The following CDH18 variants were observed in gnomAD, a reference collection of about 807,000 sequenced individuals.
The protein encoded by CDH18 is cadherin 18, also known as cadherin-18.
CDH18 carries 31 observed loss-of-function variants against 67.9 expected under a neutral mutation model. That is an observed-to-expected ratio of 0.46 (90% CI 0.34 to 0.62). The LOEUF (loss-of-function observed/expected upper bound fraction) is 0.62. Ranked by LOEUF, CDH18 falls within the 20% of genes least tolerant of loss-of-function variation. The pLI, the probability that CDH18 is intolerant of heterozygous loss-of-function variation, is 0.01. For missense variants in CDH18, 890 were observed against 975.5 expected (o/e 0.91, Z 1.17); for synonymous variants, 362 against 347.2 (o/e 1.04, Z -0.48).
intron 2 of CDH18, among the ~76,000 whole-genome samples, chr5:19,877,723 G>A (rs1787184071): frequency 6.6e-6 from 1 of 152,110 alleles, no homozygotes. Context: ...ACAGCAAAGA[G>A]AATTTCAGTG....
chr5:19,875,639 T>C lies in CDH18; in HGVS notation c.-256-36397A>G, dbSNP rs1648389865. Among the ~76,000 whole-genome samples the C allele has an allele frequency of 2.0e-5, 3 of 151,982 alleles. 1 individual carries two copies. In the South Asian group the frequency reaches 6.2e-4, roughly 31 times the overall value. On this transcript the variant is annotated intron_variant, in intron 2 of 12. Coordinates refer to ENST00000382275, the MANE Select transcript of CDH18 (RefSeq NM_004934.5). ...ACATATATACATACACATAAAATCA[T>C]AATTTTGCCTATTTTTAAACACAAG...
At chr5:20,187,273 T>A (rs1205422519) in intron 2 of CDH18, among the ~76,000 whole-genome samples, 1 of 151,908 alleles carries the variant, frequency 6.6e-6, no homozygotes, top group African/African-American at 2.4e-5. Context: ...GCTAAAATGG[T>A]AAATTTTGTA....
chr5:19,849,007 A>T (rs888568015), intron 2 of CDH18, among the ~76,000 whole-genome samples: 2 of 151,754 alleles, frequency 1.3e-5, no homozygotes, highest in African/African-American at 4.8e-5. Flanking sequence ...GCTATGTGTT[A>T]AATTTTATGA....
intron 3 of CDH18, among the ~76,000 whole-genome samples, chr5:19,757,884 C>T (rs956958038): frequency 2.6e-5 from 4 of 152,186 alleles, no homozygotes; most frequent in African/African-American, 4.8e-5. Context: ...TTCCCTTCAC[C>T]GTTGTCCTTC....
intron 6 of CDH18, among the ~76,000 whole-genome samples, chr5:19,606,157 T>C (rs2150084529): frequency 6.6e-6 from 1 of 151,576 alleles, no homozygotes; most frequent in East Asian, 1.9e-4. Context: ...TAAAATAAGC[T>C]AGTGCTAACA....
chr5:20,460,900 T>A (rs1296449305), intron 1 of CDH18, among the ~76,000 whole-genome samples: 1 of 152,208 alleles, frequency 6.6e-6, no homozygotes, highest in Non-Finnish European at 1.5e-5. Flanking sequence ...ATGAGTAACT[T>A]AACTGAGTAC....
intron 2 of CDH18, among the ~76,000 whole-genome samples, chr5:20,167,449 C>A (rs1253594361): frequency 1.3e-5 from 2 of 151,328 alleles, no homozygotes; most frequent in Non-Finnish European, 2.9e-5. Context: ...TCAGTCCCAT[C>A]TATTTTTAAA....
chr5:19,529,980 C>A (rs1748336264), intron 9 of CDH18, among the ~76,000 whole-genome samples: 1 of 152,024 alleles, frequency 6.6e-6, no homozygotes, highest in Non-Finnish European at 1.5e-5. Context: ...TCTAAAATAA[C>A]CCAAACAATT....
At chr5:20,259,119 G>C (rs1052617016) in intron 1 of CDH18, among the ~76,000 whole-genome samples, 2 of 152,110 alleles carry the variant, frequency 1.3e-5, no homozygotes, top group African/African-American at 4.8e-5. Flanking sequence ...GAAGCTGGAA[G>C]GATTTGAAGA....
chr5:20,456,781 T>G (rs946760154), intron 1 of CDH18, among the ~76,000 whole-genome samples: 1 of 152,148 alleles, frequency 6.6e-6, no homozygotes, highest in Non-Finnish European at 1.5e-5. Flanking sequence ...GTCTCTAAAA[T>G]ACCAAACTGA....
At chr5:19,946,280 G>A (rs1474120828) in intron 2 of CDH18, among the ~76,000 whole-genome samples, 1 of 152,096 alleles carries the variant, frequency 6.6e-6, no homozygotes, top group African/African-American at 2.4e-5. Context: ...GAAGGAAGGG[G>A]AAATAAACAC....
Position 20,441,847 on chromosome 5 carries a change from T to C in CDH18, c.-580+133615A>G, listed in dbSNP as rs7734267. 1.4e-3 allele frequency among the ~76,000 whole-genome samples: 207 copies of C among 152,048 alleles called. 6 individuals are homozygous for C. Among genetic ancestry groups the C allele is most frequent in the African/African-American group, 4.9e-3 (201 of 41,318 alleles). On this transcript the variant is annotated intron_variant, in intron 1 of 14. Transcript: ENST00000507958. Reference sequence around the variant, plus strand: ...CCAAATGAATTATTTTCCTTACTATTTAATCAAGAGATGACAATCTGTTGC... The same window carrying C: ...CCAAATGAATTATTTTCCTTACTATCTAATCAAGAGATGACAATCTGTTGC...
At chr5:20,072,979 A>T (rs1743615934) in intron 2 of CDH18, among the ~76,000 whole-genome samples, 1 of 151,976 alleles carries the variant, frequency 6.6e-6, no homozygotes, top group Non-Finnish European at 1.5e-5. Context: ...CATTTTGTTA[A>T]TATGAGGATA....
chr5:19,767,394 G>A (rs1773227540), intron 3 of CDH18, among the ~76,000 whole-genome samples: 1 of 151,938 alleles, frequency 6.6e-6, no homozygotes, highest in South Asian at 2.1e-4. Context: ...GGAAAAATTA[G>A]TAGAAAACGT....
chr5:20,110,926 C>T (rs1398104568), intron 2 of CDH18, among the ~76,000 whole-genome samples: 1 of 152,056 alleles, frequency 6.6e-6, no homozygotes, highest in Non-Finnish European at 1.5e-5. Flanking sequence ...AACTTGCAGG[C>T]AGATTTGTCT....
intron 1 of CDH18, among the ~76,000 whole-genome samples, chr5:20,560,383 AAGT>A (rs1402004314): frequency 1.3e-5 from 2 of 151,278 alleles, no homozygotes; most frequent in South Asian, 2.1e-4. Context: ...AATTGTGATA[AAGT>A]AGTATATAAC....
At chr5:19,736,338 G>A (rs1768320398) in intron 4 of CDH18, among the ~76,000 whole-genome samples, 1 of 152,084 alleles carries the variant, frequency 6.6e-6, no homozygotes, top group Non-Finnish European at 1.5e-5. Context: ...CCATAATCGT[G>A]CTGCCACTGC....
intron 2 of CDH18, among the ~76,000 whole-genome samples, chr5:20,239,520 A>T (rs1274393903): frequency 6.6e-6 from 1 of 152,172 alleles, no homozygotes; most frequent in Non-Finnish European, 1.5e-5. Flanking sequence ...ATATTACCAG[A>T]CACAGGTTAA....
At position 20,334,131 on chromosome 5, in the gene CDH18, C is replaced by CTTTTTTTTTTT. The variant is rs34609844; in HGVS notation, c.-579-78637_-579-78627dup. ...TAAATGTATAAATCTGACTTGAATT[C>CTTTTTTTTTTT]TTTTTTTTTTTTTTTTTTTTTGAGA... On this transcript the variant is annotated intron_variant, in intron 1 of 14. Transcript: ENST00000507958. Among the ~76,000 whole-genome samples, 144 of 81,630 alleles carry CTTTTTTTTTTT rather than the reference C, an allele frequency of 1.8e-3. 6 individuals are homozygous for CTTTTTTTTTTT. The highest frequency in any genetic ancestry group is 9.7e-3 in the East Asian group (22 of 2,270). The allele number at this position is 81,630 out of a possible 152,430, so 53.6% of individuals were successfully genotyped here. A position where few individuals can be genotyped will look rare whatever the true frequency, so the allele number is the denominator to read the frequency against.
Sources: allele counts gnomAD v4.1 joint callset (sites outside exome capture counted in the v4.1 genomes callset), GRCh38; gene constraint gnomAD v4.1.1; transcripts MANE v1.5; gene names NCBI Gene and HGNC (gene_info 2026-07-23, HGNC 2026-07-21).